The following MECOM variants were observed in gnomAD, a reference collection of about 807,000 sequenced individuals.
MECOM encodes the protein histone-lysine N-methyltransferase MECOM.
Under a neutral mutation model 116.3 loss-of-function variants are expected in MECOM, and 13 were observed. The ratio of observed to expected loss-of-function variants is 0.11; its 90% CI spans 0.07 to 0.18. MECOM has a LOEUF of 0.18. Among genes scored for constraint, MECOM ranks in the 10% least tolerant of loss-of-function variants. The pLI is 1.00. For missense variants in MECOM, 1,299 were observed against 1,509.0 expected (o/e 0.86, Z 2.31); for synonymous variants, 528 against 535.2 (o/e 0.99, Z 0.19).
chr3:169,219,234 C>T (rs1221546649), intron 2 of MECOM, among the ~76,000 whole-genome samples: 4 of 152,254 alleles, frequency 2.6e-5, no homozygotes, highest in South Asian at 4.1e-4. Context: ...AGGCCAGGCG[C>T]GGTGGCTCAC....
chr3:169,124,140 G>A (rs748995422), intron 5 of MECOM, among the ~76,000 whole-genome samples: 13 of 151,990 alleles, frequency 8.6e-5, no homozygotes, highest in Non-Finnish European at 1.8e-4. Context: ...ATGTGACTTC[G>A]GGTAGAAATA....
chr3:169,581,776 G>A (rs1310156761), intron 1 of MECOM, among the ~76,000 whole-genome samples: 1 of 152,206 alleles, frequency 6.6e-6, no homozygotes, highest in Non-Finnish European at 1.5e-5. Flanking sequence ...ACTCCTTAAT[G>A]AGAGCGACCT....
At chr3:169,087,407 G>A (rs973309063) in intron 16 of MECOM, among the ~76,000 whole-genome samples, 4 of 151,752 alleles carry the variant, frequency 2.6e-5, no homozygotes, top group African/African-American at 9.7e-5. Context: ...GACCAGCCTG[G>A]GCAACATAGT....
At chr3:169,186,547 A>G (rs985620075) in intron 2 of MECOM, among the ~76,000 whole-genome samples, 3 of 152,178 alleles carry the variant, frequency 2.0e-5, no homozygotes, top group Admixed American at 2.0e-4. Flanking sequence ...TTTCCATTTT[A>G]AAATTGGATT....
intron 1 of MECOM, among the ~76,000 whole-genome samples, chr3:169,656,289 CAT>C (rs772260233): frequency 2.6e-5 from 4 of 152,194 alleles, no homozygotes; most frequent in Non-Finnish European, 5.9e-5. Flanking sequence ...CCCCTACACA[CAT>C]GTTTACTAAC....
intron 7 of MECOM, among the ~76,000 whole-genome samples, chr3:169,119,624 A>C (rs1730323364): frequency 6.6e-6 from 1 of 152,206 alleles, no homozygotes; most frequent in South Asian, 2.1e-4. Context: ...GTTTTTTCTC[A>C]CATCAAAACA....
chr3:169,550,997 G>C, intron 1 of MECOM, among the ~76,000 whole-genome samples: 1 of 100,050 alleles, frequency 1.0e-5, no homozygotes, highest in Non-Finnish European at 2.2e-5. Flanking sequence ...CTAATTTTTT[G>C]TATTTTTAGT....
intron 1 of MECOM, among the ~76,000 whole-genome samples, chr3:169,590,364 T>C (rs1766265312): frequency 6.6e-6 from 1 of 152,196 alleles, no homozygotes; most frequent in African/African-American, 2.4e-5. Flanking sequence ...TTTTGGGTTA[T>C]TTGCTCTACC....
At chr3:169,362,053 A>C (rs1404974652) in intron 2 of MECOM, among the ~76,000 whole-genome samples, 1 of 151,952 alleles carries the variant, frequency 6.6e-6, no homozygotes, top group Non-Finnish European at 1.5e-5. Flanking sequence ...CACTAGTTTC[A>C]CACGGGAGAA....
chr3:169,419,699 C>A (rs1739375503), intron 1 of MECOM, among the ~76,000 whole-genome samples: 1 of 152,146 alleles, frequency 6.6e-6, no homozygotes, highest in Non-Finnish European at 1.5e-5. Flanking sequence ...TAGGCATAGG[C>A]AAAGACTCCA....
intron 1 of MECOM, among the ~76,000 whole-genome samples, chr3:169,393,489 A>G (rs1734545273): frequency 1.3e-5 from 2 of 152,208 alleles, no homozygotes; most frequent in African/African-American, 2.4e-5. Flanking sequence ...AAAGATCTCA[A>G]AAAAGGAGCT....
In MECOM at chr3:169,516,319, C is replaced by T. The variant is rs573696096; in HGVS notation, c.38-134795G>A. On this transcript the variant is annotated intron_variant, in intron 1 of 16. Transcript: ENST00000651503. ...AAGTTTTCATACGACATTACCTAAA[C>T]TGACCCTCAACAAAAATTAAGAGTA... Among the ~76,000 whole-genome samples, 3 of 152,274 alleles carry T rather than the reference C, an allele frequency of 2.0e-5. No homozygotes were observed. In the East Asian group the frequency reaches 5.8e-4, roughly 29 times the overall value.
intron 8 of MECOM, among the ~76,000 whole-genome samples, chr3:169,113,907 T>C (rs936027985): frequency 3.3e-5 from 5 of 152,032 alleles, no homozygotes; most frequent in South Asian, 2.1e-4. Context: ...TAAAACTGGA[T>C]TCTAGGTCTT....
chr3:169,433,685 GAAAGAGAA>G lies in MECOM; in HGVS notation c.38-52169_38-52162del, dbSNP rs759087996. Among the ~76,000 whole-genome samples, 540 of 150,082 alleles carry G rather than the reference GAAAGAGAA, an allele frequency of 3.6e-3. 1 individual carries two copies. The highest frequency in any genetic ancestry group is 7.8e-3 in the African/African-American group (317 of 40,752). On this transcript the variant is annotated intron_variant, in intron 1 of 16. Coordinates refer to ENST00000651503, the MANE Select transcript of MECOM (RefSeq NM_004991.4). ...AGAAAGAAAGAAAGAAAGAAAGAAA[GAAAGAGAA>G]AGAAAGAAAAGAAAGAAAGAAAATT...
At chr3:169,545,718 T>C (rs7626930) in intron 1 of MECOM, among the ~76,000 whole-genome samples, 23,803 of 152,128 alleles carry the variant, frequency 0.16, 2,240 homozygotes, top group East Asian at 0.35. Flanking sequence ...CCACTCTGCC[T>C]GAGAGTCAAT....
At chr3:169,618,026 C>T (rs182590463) in intron 1 of MECOM, among the ~76,000 whole-genome samples, 19 of 152,322 alleles carry the variant, frequency 1.2e-4, no homozygotes, top group African/African-American at 4.6e-4. Context: ...AGCTCCCAGG[C>T]AGACCCTAGA....
At chr3:169,195,412 T>C (rs1029108458) in intron 2 of MECOM, among the ~76,000 whole-genome samples, 5 of 152,108 alleles carry the variant, frequency 3.3e-5, no homozygotes, top group Admixed American at 1.3e-4. Flanking sequence ...GTGTTTGTTC[T>C]TTAGACAATT....
Position 169,378,441 on chromosome 3 carries a change from GAA to G in MECOM, c.375+2744_375+2745del, listed in dbSNP as rs1560196464. Among the ~76,000 whole-genome samples the G allele has an allele frequency of 4.4e-3, 364 of 82,948 alleles. 16 individuals carry two copies. Among genetic ancestry groups the G allele is most frequent in the African/African-American group, 0.013 (167 of 12,716 alleles). 54.4% of individuals were successfully genotyped at this position (82,948 alleles called of 152,430 possible). A position where few individuals can be genotyped will look rare whatever the true frequency, so the allele number is the denominator to read the frequency against. On this transcript the variant is annotated intron_variant, in intron 2 of 16. Transcript: ENST00000651503. Reference sequence around the variant, plus strand: ...AGAAAGAAAGAAAGAAAGAAAGAAAGAAAGAAAGAAGGAAAGCAAGCAAGCAA... The same window carrying G: ...AGAAAGAAAGAAAGAAAGAAAGAAAGAGAAAGAAGGAAAGCAAGCAAGCAA...
At chr3:169,402,119 G>A (rs750101459) in intron 1 of MECOM, among the ~76,000 whole-genome samples, 8 of 152,142 alleles carry the variant, frequency 5.3e-5, no homozygotes, top group Non-Finnish European at 1.0e-4. Context: ...GAGAGATTTA[G>A]GAAGTAAAGA....
Sources: gnomAD v4.1 joint callset for allele counts (sites outside exome capture counted in the v4.1 genomes callset) on GRCh38, gnomAD v4.1.1 for gene constraint, MANE v1.5 for transcripts, NCBI Gene and HGNC (gene_info 2026-07-23, HGNC 2026-07-21) for gene names.